Variants in REEP3 observed in about 807,000 individuals in gnomAD.
The protein encoded by REEP3 is receptor accessory protein 3.
In REEP3, 20 loss-of-function variants were observed where a neutral mutation model predicts 41.3. The observed-to-expected ratio is 0.48, with a 90% CI of 0.34 to 0.70. The LOEUF is 0.70. Among genes scored for constraint, REEP3 ranks in the 30% least tolerant of loss-of-function variants. The pLI, the probability that REEP3 is intolerant of heterozygous loss-of-function variation, is 0.01. For synonymous variants in REEP3, 104 were observed against 101.8 expected, an observed-to-expected ratio of 1.02 and a Z score of -0.13; for missense variants, 271 against 308.8, an observed-to-expected ratio of 0.88 and a Z score of 0.92.
intron 1 of REEP3, among the ~76,000 whole-genome samples, chr10:63,532,832 G>C (rs143230355): frequency 6.6e-6 from 1 of 152,208 alleles, no homozygotes; most frequent in African/African-American, 2.4e-5. Context: ...TTGAGCCCAG[G>C]AGGTAAAGGC....
At chr10:63,596,666 A>G (rs187639920) in intron 3 of REEP3, among the ~76,000 whole-genome samples, 79 of 152,358 alleles carry the variant, frequency 5.2e-4, no homozygotes, top group African/African-American at 1.9e-3. Flanking sequence ...TGGCAAAAAA[A>G]CAACCATAAA....
At chr10:63,521,638 G>A in intron 1 of REEP3, 61 bp downstream of exon 1, 2 of 1,272,546 alleles carry the variant, frequency 1.6e-6, no homozygotes, top group Non-Finnish European at 2.1e-6. Flanking sequence ...GTGGGAAGGG[G>A]AAGGAGCCGA....
chr10:63,619,889 A>C (rs931255603), intron 7 of REEP3, 89 bp downstream of exon 7: 1 of 886,992 alleles, frequency 1.1e-6, no homozygotes, highest in Non-Finnish European at 1.6e-6. Flanking sequence ...TCCATAAATG[A>C]AGGATTGGAA....
chr10:63,599,379 G>T, intron 5 of REEP3, 96 bp downstream of exon 5: 1 of 507,052 alleles, frequency 2.0e-6, no homozygotes, highest in Non-Finnish European at 3.3e-6. Context: ...GTGGCATTTT[G>T]CTATATTTAT....
In REEP3 at chr10:63,618,114, C is replaced by T. The variant is rs567669987; in HGVS notation, c.566-1541C>T. ...GTGCTGGGATTACAGGTGTGAGCCA[C>T]TGCGCCTGGCTGTAAGTCCTTCCAC... is the stretch of plus-strand genomic sequence containing the variant. On this transcript the variant is annotated intron_variant, in intron 6 of 7. Coordinates refer to ENST00000373758, the MANE Select transcript of REEP3 (RefSeq NM_001001330.3). Among the ~76,000 whole-genome samples the T allele has an allele frequency of 1.9e-3, 289 of 151,984 alleles. 1 individual carries two copies. The highest frequency in any genetic ancestry group is 3.4e-3 in the Non-Finnish European group (233 of 67,972).
intron 2 of REEP3, among the ~76,000 whole-genome samples, chr10:63,573,340 A>C (rs1267033378): frequency 6.6e-6 from 1 of 152,188 alleles, no homozygotes; most frequent in Non-Finnish European, 1.5e-5. Context: ...AAGAATTAGT[A>C]TGGTTTTGCA....
At chr10:63,592,973 A>G (rs577328067) in intron 2 of REEP3, among the ~76,000 whole-genome samples, 1 of 151,726 alleles carries the variant, frequency 6.6e-6, no homozygotes, top group African/African-American at 2.4e-5. Context: ...ATTTGGAAGG[A>G]CTGAGGGAAT....
rs922279696 is a variant in REEP3, at chr10:63,556,079, C to T, written c.33-10259C>T. Among the ~76,000 whole-genome samples, 45 of 152,186 alleles carry T rather than the reference C, an allele frequency of 3.0e-4. 1 individual carries two copies. In the Middle Eastern group the frequency reaches 0.014, roughly 46 times the overall value. ...CTTGAAAAAAAACCAGAAAACCATT[C>T]TTATAAACTATTTCTGGGATTCCTC... is the stretch of plus-strand genomic sequence containing the variant. On this transcript the variant is annotated intron_variant, in intron 1 of 7. Transcript: ENST00000373758.
chr10:63,530,159 A>G (rs1955406836), intron 1 of REEP3, among the ~76,000 whole-genome samples: 1 of 98,444 alleles, frequency 1.0e-5, no homozygotes, highest in Non-Finnish European at 2.1e-5. Context: ...TGTTAAGTTT[A>G]TGATAGGATT....
At position 63,531,105 on chromosome 10, in the gene REEP3, G is replaced by A. The variant is rs1366981811; in HGVS notation, c.32+9528G>A. On this transcript the variant is annotated intron_variant, in intron 1 of 7. Coordinates refer to ENST00000373758, the MANE Select transcript of REEP3 (RefSeq NM_001001330.3). ...AGGCCACTATGACTGAAAATCAGGC[G>A]AGATGGCATACTCACTAAAACACTG... Among the ~76,000 whole-genome samples, 6 of 152,120 alleles carry A rather than the reference G, an allele frequency of 3.9e-5. No homozygotes were observed. In the South Asian group the frequency reaches 6.2e-4, roughly 16 times the overall value.
chr10:63,568,831 T>A (rs914411563), intron 2 of REEP3, among the ~76,000 whole-genome samples: 5 of 151,654 alleles, frequency 3.3e-5, no homozygotes, highest in Non-Finnish European at 5.9e-5. Context: ...AATTTTTTTT[T>A]TTATTATTTT....
intron 2 of REEP3, among the ~76,000 whole-genome samples, chr10:63,592,858 A>C (rs1956077676): frequency 6.6e-6 from 1 of 152,142 alleles, no homozygotes; most frequent in Non-Finnish European, 1.5e-5. Flanking sequence ...GCACCACTGC[A>C]CTCCACCCTG....
At chr10:63,550,101 G>A (rs1462369180) in intron 1 of REEP3, among the ~76,000 whole-genome samples, 2 of 152,214 alleles carry the variant, frequency 1.3e-5, no homozygotes, top group Non-Finnish European at 2.9e-5. Flanking sequence ...AATCCGATGA[G>A]ATGGCGTGAG....
chr10:63,524,027 A>G (rs1955333029), intron 1 of REEP3, among the ~76,000 whole-genome samples: 1 of 152,200 alleles, frequency 6.6e-6, no homozygotes, highest in African/African-American at 2.4e-5. Context: ...GACAGGGAGC[A>G]ATAATGTGAG....
At position 63,624,035 on chromosome 10, in the gene REEP3, T is replaced by C. The variant is rs1956377180; in HGVS notation, c.*3166T>C. The C allele has an allele frequency of 6.6e-6, 1 of 152,168 alleles. No homozygotes were observed. The highest frequency in any genetic ancestry group is 2.4e-5 in the African/African-American group (1 of 41,434). The allele number at this position is 152,168 out of a possible 1,614,324, so 9.4% of individuals were successfully genotyped here. On this transcript the variant is annotated 3_prime_UTR_variant, in exon 8 of 8. Coordinates refer to ENST00000373758, the MANE Select transcript of REEP3 (RefSeq NM_001001330.3). ...GTGCTTTCCAAAAATGCTTGAACTTTTATGTTGTTAAGAAATATATAATGA... is the reference window on the plus strand; with the variant it reads ...GTGCTTTCCAAAAATGCTTGAACTTCTATGTTGTTAAGAAATATATAATGA...
chr10:63,564,273 T>C (rs1955775164), intron 1 of REEP3, among the ~76,000 whole-genome samples: 1 of 152,324 alleles, frequency 6.6e-6, no homozygotes, highest in East Asian at 1.9e-4. Context: ...AGTTATCGTA[T>C]ACTCATCAAA....
At chr10:63,591,181 T>A (rs1564486780) in intron 2 of REEP3, among the ~76,000 whole-genome samples, 1 of 151,724 alleles carries the variant, frequency 6.6e-6, no homozygotes, top group African/African-American at 2.4e-5. Flanking sequence ...GAGCAAAACC[T>A]TAAACAGCAG....
chr10:63,534,123 C>T (rs921032152), intron 1 of REEP3, among the ~76,000 whole-genome samples: 1 of 152,006 alleles, frequency 6.6e-6, no homozygotes, highest in Non-Finnish European at 1.5e-5. Flanking sequence ...CTGATCTTTC[C>T]TTGCTAAGTA....
intron 1 of REEP3, among the ~76,000 whole-genome samples, chr10:63,533,725 T>TTTTTTTTTTTTTTTTTTTTTTTTTTTAA: frequency 7.0e-6 from 1 of 143,798 alleles, no homozygotes; most frequent in South Asian, 2.4e-4. Context: ...TTTTTTTTTT[T>TTTTTTTTTTTTTTTTTTTTTTTTTTTAA]GAGACGGAGT....
Sources: gnomAD v4.1 joint callset for allele counts (sites outside exome capture counted in the v4.1 genomes callset) on GRCh38, gnomAD v4.1.1 for gene constraint, MANE v1.5 for transcripts, NCBI Gene and HGNC (gene_info 2026-07-23, HGNC 2026-07-21) for gene names.